The following AKAP19 variants were observed in gnomAD, a reference collection of about 807,000 sequenced individuals.
AKAP19 encodes small A-kinase anchoring protein.
the AKAP19 span, among the ~76,000 whole-genome samples, chr2:190,017,309 TA>T: frequency 6.6e-6 from 1 of 152,160 alleles, no homozygotes; most frequent in African/African-American, 2.4e-5. Context: ...ATACTACTGC[TA>T]TTTTGTAATT....
At chr2:190,159,246 C>T in the AKAP19 span, among the ~76,000 whole-genome samples, 1 of 152,138 alleles carries the variant, frequency 6.6e-6, no homozygotes, top group African/African-American at 2.4e-5. Flanking sequence ...GACCTGCCTC[C>T]AGTATTTGTT....
chr2:190,103,575 C>T, the AKAP19 span, among the ~76,000 whole-genome samples: 1 of 152,168 alleles, frequency 6.6e-6, no homozygotes, highest in South Asian at 2.1e-4. Flanking sequence ...ATCAAGAACA[C>T]AGTCCATTTA....
At chr2:190,039,408 A>G in the AKAP19 span, among the ~76,000 whole-genome samples, 1 of 152,154 alleles carries the variant, frequency 6.6e-6, no homozygotes. Context: ...CTTCAAATAC[A>G]TTCTTTTACC....
At chr2:190,048,863 T>C in the AKAP19 span, among the ~76,000 whole-genome samples, 17 of 152,096 alleles carry the variant, frequency 1.1e-4, no homozygotes, top group African/African-American at 3.4e-4. Flanking sequence ...TGAAGAAAAA[T>C]AAATTGGATT....
At chr2:190,049,152 A>T in the AKAP19 span, among the ~76,000 whole-genome samples, 6 of 152,170 alleles carry the variant, frequency 3.9e-5, no homozygotes, top group Non-Finnish European at 8.8e-5. Flanking sequence ...AAAGAGTTGC[A>T]GTTTTTGTCA....
At chr2:189,989,651 A>G in the AKAP19 span, among the ~76,000 whole-genome samples, 3 of 152,138 alleles carry the variant, frequency 2.0e-5, no homozygotes, top group Admixed American at 2.0e-4. Context: ...TATTCTCCTA[A>G]TAATACAACT....
At chr2:190,150,448 G>C in the AKAP19 span, 1 of 152,178 alleles carries the variant, frequency 6.6e-6, no homozygotes, top group African/African-American at 2.4e-5. Context: ...CTCAGCTCCA[G>C]GTGAAGTCAG....
chr2:190,034,436 C>G, the AKAP19 span, among the ~76,000 whole-genome samples: 3 of 141,270 alleles, frequency 2.1e-5, no homozygotes, highest in African/African-American at 7.8e-5. Flanking sequence ...AAAAAATCAA[C>G]TGTTTAGAAG....
the AKAP19 span, among the ~76,000 whole-genome samples, chr2:189,979,709 C>G: frequency 6.6e-6 from 1 of 151,988 alleles, no homozygotes; most frequent in Non-Finnish European, 1.5e-5. Flanking sequence ...CTATAAGAAA[C>G]TTAAACAAAT....
chr2:190,141,363 T>C, the AKAP19 span, among the ~76,000 whole-genome samples: 1 of 152,180 alleles, frequency 6.6e-6, no homozygotes, highest in Non-Finnish European at 1.5e-5. Flanking sequence ...TTTACTATAT[T>C]AGTCTCTTCT....
the AKAP19 span, among the ~76,000 whole-genome samples, chr2:190,076,869 CTCATCA>C: frequency 6.6e-6 from 1 of 152,072 alleles, no homozygotes; most frequent in African/African-American, 2.4e-5. Flanking sequence ...TTTTTCTCCC[CTCATCA>C]TTTTCTGGGA....
chr2:190,120,206 A>C, the AKAP19 span, among the ~76,000 whole-genome samples: 1 of 152,182 alleles, frequency 6.6e-6, no homozygotes, highest in African/African-American at 2.4e-5. Flanking sequence ...CCTATTGTGA[A>C]CTGCTTATGG....
At chr2:189,986,253 G>A in the AKAP19 span, among the ~76,000 whole-genome samples, 6 of 151,908 alleles carry the variant, frequency 3.9e-5, no homozygotes, top group South Asian at 4.2e-4. Context: ...TGTGACCTTC[G>A]CTTTTTTTGC....
chr2:189,885,062 A>T, the AKAP19 span, among the ~76,000 whole-genome samples: 4 of 152,162 alleles, frequency 2.6e-5, no homozygotes, highest in African/African-American at 9.7e-5. Flanking sequence ...AGAAAATCAG[A>T]TTTATATATC....
At chr2:190,146,232 T>C in the AKAP19 span, among the ~76,000 whole-genome samples, 1 of 152,156 alleles carries the variant, frequency 6.6e-6, no homozygotes, top group Non-Finnish European at 1.5e-5. Context: ...AGCTCCCAAA[T>C]GATATTTGGT....
chr2:190,077,188 G>A, the AKAP19 span, among the ~76,000 whole-genome samples: 17 of 147,712 alleles, frequency 1.2e-4, no homozygotes, highest in Non-Finnish European at 2.4e-4. Context: ...TATAGTGGCT[G>A]TTTTAAAGTT....
the AKAP19 span, among the ~76,000 whole-genome samples, chr2:190,129,868 CCTT>C: frequency 6.6e-6 from 1 of 152,078 alleles, no homozygotes; most frequent in African/African-American, 2.4e-5. Flanking sequence ...CCTTCTCTGT[CCTT>C]CTTCCTCTGA....
chr2:190,109,040 C>G, the AKAP19 span, among the ~76,000 whole-genome samples: 1 of 152,056 alleles, frequency 6.6e-6, no homozygotes, highest in Non-Finnish European at 1.5e-5. Flanking sequence ...TAAGAGATGT[C>G]TTCATAGTAT....
the AKAP19 span, among the ~76,000 whole-genome samples, chr2:189,980,891 G>A: frequency 6.6e-6 from 1 of 152,176 alleles, no homozygotes; most frequent in Non-Finnish European, 1.5e-5. Flanking sequence ...GAAGATGCTT[G>A]ATATGATTTG....
Sources: gnomAD v4.1 joint callset for allele counts (sites outside exome capture counted in the v4.1 genomes callset) on GRCh38, gnomAD v4.1.1 for gene constraint, MANE v1.5 for transcripts, NCBI Gene and HGNC (gene_info 2026-07-23, HGNC 2026-07-21) for gene names.